The following CENPC variants were observed in gnomAD, a reference collection of about 807,000 sequenced individuals.
CENPC encodes the protein centromere protein C, also known as CENP-C 1.
Under a neutral mutation model 112.1 loss-of-function variants are expected in CENPC, and 63 were observed. The observed-to-expected ratio is 0.56, with a 90% confidence interval of 0.46 to 0.69. CENPC has a LOEUF of 0.69. Among genes scored for constraint, CENPC ranks in the 30% least tolerant of loss-of-function variants. The pLI, the probability that CENPC is intolerant of heterozygous loss-of-function variation, is 0.00. For synonymous variants in CENPC, 333 were observed against 367.6 expected (o/e 0.91, Z 1.08); for missense variants, 1,000 against 1,103.8 (o/e 0.91, Z 1.33).
Position 67,541,089 on chromosome 4 carries a change from T to C in CENPC, c.66-39A>G, listed in dbSNP as rs570825756. On this transcript the variant is annotated intron_variant, in intron 2 of 18. Transcript: ENST00000273853. ...AATACAGCCTGTCATTTTCAGAAGA[T>C]ATTTCTTTATATTACCATCTCTTTG... 2.4e-6 allele frequency: 3 copies of C among 1,252,518 alleles called. No homozygotes were observed. In the African/African-American group the frequency reaches 4.5e-5, roughly 19 times the overall value. 77.6% of individuals were successfully genotyped at this position (1,252,518 alleles called of 1,614,324 possible). A position where few individuals can be genotyped will look rare whatever the true frequency, so the allele number is the denominator to read the frequency against.
chr4:67,523,575 G>A (rs1161140816), intron 5 of CENPC, among the ~76,000 whole-genome samples: 1 of 152,178 alleles, frequency 6.6e-6, no homozygotes, highest in African/African-American at 2.4e-5. Context: ...TAGAGTCAGA[G>A]ACATCAATAT....
At chr4:67,481,531 C>T (rs761533485) in intron 17 of CENPC, among the ~76,000 whole-genome samples, 2 of 152,182 alleles carry the variant, frequency 1.3e-5, no homozygotes, top group Non-Finnish European at 2.9e-5. Context: ...GTTACCAAAA[C>T]AGCACAGTAC....
At chr4:67,482,616 A>G (rs1488521341) in intron 17 of CENPC, among the ~76,000 whole-genome samples, 1 of 152,252 alleles carries the variant, frequency 6.6e-6, no homozygotes, top group East Asian at 1.9e-4. Context: ...ATGGAGTTGG[A>G]GACCATCATT....
chr4:67,527,576 T>C (rs558081342), intron 5 of CENPC, among the ~76,000 whole-genome samples: 2 of 147,504 alleles, frequency 1.4e-5, no homozygotes, highest in East Asian at 4.1e-4. Flanking sequence ...GCACAGTTCA[T>C]TGCAGCCTCA....
At chr4:67,528,169 T>C (rs1020124758) in intron 5 of CENPC, among the ~76,000 whole-genome samples, 1 of 152,104 alleles carries the variant, frequency 6.6e-6, no homozygotes, top group African/African-American at 2.4e-5. Context: ...AATTTTGATA[T>C]AAAAATTAGC....
intron 10 of CENPC, 22 bp from the exon 11 acceptor site, chr4:67,506,956 G>T: frequency 6.3e-7 from 1 of 1,575,066 alleles, no homozygotes. Flanking sequence ...ATAAATGTAT[G>T]AGTGTTTATA....
intron 2 of CENPC, among the ~76,000 whole-genome samples, chr4:67,543,464 A>G (rs1202478225): frequency 3.3e-5 from 5 of 152,178 alleles, no homozygotes; most frequent in Admixed American, 1.3e-4. Flanking sequence ...GTTAATGCCT[A>G]ATTATATATA....
At chr4:67,545,308 A>C in intron 1 of CENPC, 30 bp downstream of exon 1, 1 of 1,453,242 alleles carries the variant, frequency 6.9e-7, no homozygotes, top group South Asian at 1.4e-5. Context: ...CCGCTCAACC[A>C]CTCGCCTGGA....
intron 8 of CENPC, among the ~76,000 whole-genome samples, chr4:67,513,241 C>A (rs182203800): frequency 2.2e-4 from 33 of 146,828 alleles, no homozygotes; most frequent in African/African-American, 8.3e-4. Context: ...TTGATTTTAT[C>A]CCAGTGAGAC....
chr4:67,488,903 A>G (rs1007192349), intron 17 of CENPC, among the ~76,000 whole-genome samples: 1 of 151,860 alleles, frequency 6.6e-6, no homozygotes, highest in African/African-American at 2.4e-5. Flanking sequence ...GCCTTGCCTA[A>G]ATTTGCCCTT....
At chr4:67,518,649 C>G (rs1333616699) in intron 6 of CENPC, among the ~76,000 whole-genome samples, 5 of 152,156 alleles carry the variant, frequency 3.3e-5, no homozygotes, top group Non-Finnish European at 7.4e-5. Context: ...TCAGGGCAAT[C>G]TTAGAGCACT....
At chr4:67,533,095 C>T (rs1726607100) in intron 4 of CENPC, among the ~76,000 whole-genome samples, 1 of 152,104 alleles carries the variant, frequency 6.6e-6, no homozygotes, top group Admixed American at 6.6e-5. Context: ...TTGCCTGTGT[C>T]CCCAACCAAA....
Position 67,471,794 on chromosome 4 carries a change from G to C in CENPC, c.*811C>G, listed in dbSNP as rs1403344274. On this transcript the variant is annotated 3_prime_UTR_variant, in exon 19 of 19. Coordinates refer to ENST00000273853, the MANE Select transcript of CENPC (RefSeq NM_001812.4). ...AACCTTGATTAGAATTTTTAGCTTA[G>C]ATGTATTGATTGATATTAAAAAGGG... 1.3e-5 allele frequency: 2 copies of C among 152,200 alleles called. No homozygotes were observed. The highest frequency in any genetic ancestry group is 2.9e-5 in the Non-Finnish European group (2 of 68,028). The allele number at this position is 152,200 out of a possible 1,614,324, so 9.4% of individuals were successfully genotyped here.
intron 14 of CENPC, chr4:67,493,544 C>A: frequency 4.5e-6 from 1 of 222,712 alleles, no homozygotes; most frequent in South Asian, 6.7e-5. Flanking sequence ...CCCTACACTA[C>A]TTTGTAGAAA....
intron 5 of CENPC, among the ~76,000 whole-genome samples, chr4:67,526,642 A>C (rs1050310694): frequency 6.6e-6 from 1 of 152,214 alleles, no homozygotes; most frequent in Non-Finnish European, 1.5e-5. Flanking sequence ...AAAAGGGAAT[A>C]ATTCCCAACT....
chr4:67,534,642 C>T (rs577735229), intron 4 of CENPC, among the ~76,000 whole-genome samples: 1 of 152,226 alleles, frequency 6.6e-6, no homozygotes, highest in South Asian at 2.1e-4. Flanking sequence ...AACCGCCAAG[C>T]GGGAAAGATT....
At chr4:67,527,892 C>A (rs1482240906) in intron 5 of CENPC, among the ~76,000 whole-genome samples, 1 of 151,942 alleles carries the variant, frequency 6.6e-6, no homozygotes, top group Admixed American at 6.6e-5. Context: ...CCCCAAACTA[C>A]CCACAATTAT....
intron 17 of CENPC, among the ~76,000 whole-genome samples, chr4:67,485,259 TAAGA>T (rs1377813196): frequency 6.6e-6 from 1 of 152,180 alleles, no homozygotes; most frequent in Non-Finnish European, 1.5e-5. Flanking sequence ...GCATCAAGAC[TAAGA>T]AAGTAAAAGA....
rs1577993197 is a variant in CENPC at position 67,514,682 on chromosome 4, A to G, written c.836T>C (p.Ile279Thr). Reference protein sequence around the residue: ...TVKRKSESSPIVRHAATAPPH... With the variant: ...TVKRKSESSPTVRHAATAPPH... ...TGGAGCAGTTGCCGCATGCCTAACAATGGGACTGAAACAGGGTGATACTTT... is the reference window on the plus strand; with the variant it reads ...TGGAGCAGTTGCCGCATGCCTAACAGTGGGACTGAAACAGGGTGATACTTT... Residue 279 changes from isoleucine (I) to threonine (T), a missense_variant, in exon 8 of 19, where the codon ATT (isoleucine) becomes ACT (threonine). Coordinates refer to ENST00000273853, the MANE Select transcript of CENPC (RefSeq NM_001812.4). 2 of 1,605,636 alleles carry G rather than the reference A, an allele frequency of 1.2e-6. No homozygotes were observed. Among genetic ancestry groups the G allele is most frequent in the Non-Finnish European group, 1.7e-6 (2 of 1,176,136 alleles).
Sources: gnomAD v4.1 joint callset for allele counts (sites outside exome capture counted in the v4.1 genomes callset) on GRCh38, gnomAD v4.1.1 for gene constraint, MANE v1.5 for transcripts, NCBI Gene and HGNC (gene_info 2026-07-23, HGNC 2026-07-21) for gene names.